GPM6A: variants seen among roughly 807,000 people sequenced by gnomAD.
GPM6A encodes glycoprotein M6A.
GPM6A carries 7 observed loss-of-function variants against 32.1 expected under a neutral mutation model. The observed-to-expected ratio is 0.22, with a 90% CI of 0.12 to 0.41. GPM6A has a LOEUF of 0.41. Among genes scored for constraint, GPM6A ranks in the 10% least tolerant of loss-of-function variants. The probability of loss-of-function intolerance (pLI) is 1.00; values close to 1 mark genes in which losing one functional copy is unlikely to be tolerated. For missense variants in GPM6A, 235 were observed against 347.2 expected (o/e 0.68, Z 2.57); for synonymous variants, 130 against 123.4 (o/e 1.05, Z -0.35).
chr4:175,637,623 TATTATA>T (rs1740814255), intron 6 of GPM6A, among the ~76,000 whole-genome samples: 1 of 25,720 alleles, frequency 3.9e-5, no homozygotes, highest in African/African-American at 8.0e-5. Context: ...ATATAATATA[TATTATA>T]TATATATTAT....
chr4:175,873,880 TTTATA>T (rs779861436), intron 1 of GPM6A, among the ~76,000 whole-genome samples: 42 of 152,196 alleles, frequency 2.8e-4, no homozygotes, highest in Non-Finnish European at 5.3e-4. Context: ...ATTATCTTTG[TTTATA>T]TTATAGTCCA....
rs530964286 is a variant in GPM6A, at chr4:175,978,345, T to C, written c.-23+23964A>G. ...CTCACTAACTATCATGAGAACAGCA[T>C]GGGGAAAACCAATTGCCTGATCAAA... is the stretch of plus-strand genomic sequence containing the variant. On this transcript the variant is annotated intron_variant, in intron 1 of 7. Coordinates refer to the GPM6A transcript ENST00000280187. 2.1e-3 allele frequency among the ~76,000 whole-genome samples: 323 copies of C among 152,260 alleles called. 1 individual carries two copies. Among genetic ancestry groups the C allele is most frequent in the Non-Finnish European group, 3.6e-3 (245 of 68,024 alleles).
intron 2 of GPM6A, among the ~76,000 whole-genome samples, chr4:175,677,091 A>G (rs1390741042): frequency 6.6e-6 from 1 of 152,162 alleles, no homozygotes; most frequent in Non-Finnish European, 1.5e-5. Context: ...TGTAATTTTA[A>G]TCGTTTCTAA....
At chr4:175,670,004 G>GAAAAA (rs533205454) in intron 3 of GPM6A, among the ~76,000 whole-genome samples, 51 of 143,636 alleles carry the variant, frequency 3.6e-4, no homozygotes, top group African/African-American at 9.6e-4. Flanking sequence ...CAGCCCTCAG[G>GAAAAA]AAAAAAAAAA....
intron 1 of GPM6A, among the ~76,000 whole-genome samples, chr4:175,945,453 A>G (rs1004429742): frequency 4.6e-5 from 7 of 152,128 alleles, no homozygotes; most frequent in African/African-American, 1.7e-4. Flanking sequence ...GGAACTAAGT[A>G]ATACGCACCC....
intron 1 of GPM6A, chr4:175,872,859 C>A (rs1736954728): frequency 6.6e-6 from 1 of 152,056 alleles, no homozygotes; most frequent in Non-Finnish European, 1.5e-5. Context: ...ATGTGATCAT[C>A]AGAGTTCTTT....
chr4:175,701,944 C>T lies in GPM6A; in HGVS notation c.38-177G>A, dbSNP rs548172788. Among the ~76,000 whole-genome samples the T allele has an allele frequency of 5.9e-5, 9 of 152,072 alleles. No individual in the cohort carries two copies. In the South Asian group the frequency reaches 1.0e-3, roughly 18 times the overall value. On this transcript the variant is annotated intron_variant, in intron 1 of 6. Transcript: ENST00000393658. ...AGATCAAATTCCTTAATTATAAACC[C>T]ATCCTCCACAAATAAGAGAATGTTT...
intron 1 of GPM6A, among the ~76,000 whole-genome samples, chr4:175,955,339 A>T (rs2126386583): frequency 6.6e-6 from 1 of 152,328 alleles, no homozygotes; most frequent in East Asian, 1.9e-4. Flanking sequence ...AATAGCAAAT[A>T]TAGAATATGT....
intron 2 of GPM6A, among the ~76,000 whole-genome samples, chr4:175,694,932 A>T (rs1038835633): frequency 6.6e-6 from 1 of 152,164 alleles, no homozygotes; most frequent in Non-Finnish European, 1.5e-5. Context: ...GCCTCAGGAC[A>T]CTGCTTCCTG....
At chr4:175,779,851 T>A (rs1340049334) in intron 1 of GPM6A, among the ~76,000 whole-genome samples, 1 of 152,080 alleles carries the variant, frequency 6.6e-6, no homozygotes, top group Non-Finnish European at 1.5e-5. Context: ...GATAAGAGAA[T>A]AATAACTATA....
intron 1 of GPM6A, among the ~76,000 whole-genome samples, chr4:175,870,895 A>G (rs1430840936): frequency 6.6e-6 from 1 of 152,108 alleles, no homozygotes; most frequent in Non-Finnish European, 1.5e-5. Context: ...ATGTTGTAAG[A>G]ATGAAATAAA....
chr4:175,669,865 T>A (rs1742956259), intron 3 of GPM6A, among the ~76,000 whole-genome samples: 1 of 152,192 alleles, frequency 6.6e-6, no homozygotes, highest in African/African-American at 2.4e-5. Context: ...ACACAGCTTT[T>A]CAGGCAGGAA....
chr4:175,700,323 C>A (rs1560883166), intron 2 of GPM6A, among the ~76,000 whole-genome samples: 1 of 152,044 alleles, frequency 6.6e-6, no homozygotes. Flanking sequence ...TCTGCCTAAA[C>A]CTGATGGAGT....
chr4:175,781,156 A>G (rs1321495921), intron 1 of GPM6A: 2 of 152,194 alleles, frequency 1.3e-5, no homozygotes, highest in East Asian at 3.9e-4. Context: ...CAAAAAAGAT[A>G]ACGTTCACAT....
chr4:175,952,773 T>C (rs35639760), intron 1 of GPM6A, among the ~76,000 whole-genome samples: 78,507 of 151,944 alleles, frequency 0.52, 22,967 homozygotes, highest in Admixed American at 0.64. Context: ...GGTGGGGGCA[T>C]GGGAACTTGG....
At chr4:175,769,412 C>T (rs2111228506) in intron 1 of GPM6A, among the ~76,000 whole-genome samples, 1 of 146,290 alleles carries the variant, frequency 6.8e-6, no homozygotes, top group Non-Finnish European at 1.5e-5. Flanking sequence ...AAAGGCCTAT[C>T]TGGGTTTGAA....
chr4:175,987,110 A>G (rs1740998579), intron 1 of GPM6A, among the ~76,000 whole-genome samples: 1 of 152,210 alleles, frequency 6.6e-6, no homozygotes, highest in Non-Finnish European at 1.5e-5. Context: ...GTTATGCCAT[A>G]TAATTCCTAC....
intron 1 of GPM6A, among the ~76,000 whole-genome samples, chr4:175,760,943 T>C (rs1457508049): frequency 6.6e-6 from 1 of 152,180 alleles, no homozygotes; most frequent in Non-Finnish European, 1.5e-5. Flanking sequence ...ATTATTGAAA[T>C]TGTATTTTAT....
intron 1 of GPM6A, among the ~76,000 whole-genome samples, chr4:175,838,644 A>ATT (rs569099649): frequency 1.5e-4 from 12 of 79,786 alleles, no homozygotes; most frequent in East Asian, 3.0e-4. Flanking sequence ...CTAGCAGTGA[A>ATT]TTTTTTTTTT....
Sources: gnomAD v4.1 joint callset for allele counts (sites outside exome capture counted in the v4.1 genomes callset) on GRCh38, gnomAD v4.1.1 for gene constraint, MANE v1.5 for transcripts, NCBI Gene and HGNC (gene_info 2026-07-23, HGNC 2026-07-21) for gene names.